Variants in CBLB observed in about 807,000 individuals in gnomAD.
The protein encoded by CBLB is Cbl proto-oncogene B, also known as E3 ubiquitin-protein ligase CBL-B.
Under a neutral mutation model 104.9 loss-of-function variants are expected in CBLB, and 31 were observed. That is an observed-to-expected ratio of 0.30 (90% CI 0.22 to 0.40). The LOEUF (loss-of-function observed/expected upper bound fraction) is 0.40. Ranked by LOEUF, CBLB falls within the 10% of genes least tolerant of loss-of-function variation. The pLI, the probability that CBLB is intolerant of heterozygous loss-of-function variation, is 1.00. For missense variants in CBLB, 1,062 were observed against 1,214.6 expected, an observed-to-expected ratio of 0.87 and a Z score of 1.87; for synonymous variants, 440 against 422.6, an observed-to-expected ratio of 1.04 and a Z score of -0.51.
chr3:105,672,519 C>T (rs967942192), intron 17 of CBLB: 3 of 161,998 alleles, frequency 1.9e-5, no homozygotes, highest in Non-Finnish European at 4.1e-5. Flanking sequence ...ATAATAATTA[C>T]CAATTGTCCC....
chr3:105,820,964 T>C (rs2153057091), intron 3 of CBLB, among the ~76,000 whole-genome samples: 1 of 152,276 alleles, frequency 6.6e-6, no homozygotes. Context: ...AAAATCTGGT[T>C]TAAAAAATAT....
At chr3:105,837,760 T>C (rs2088791503) in intron 3 of CBLB, among the ~76,000 whole-genome samples, 1 of 152,194 alleles carries the variant, frequency 6.6e-6, no homozygotes, top group Admixed American at 6.5e-5. Context: ...TTACTATCCT[T>C]ATAAGCATTT....
intron 3 of CBLB, among the ~76,000 whole-genome samples, chr3:105,810,902 G>T (rs756874789): frequency 6.6e-6 from 1 of 152,046 alleles, no homozygotes. Flanking sequence ...ATAAGTTTAA[G>T]ATACTACTTA....
At chr3:105,861,692 CACACACACACACACATACAT>C (rs894441747) in intron 2 of CBLB, among the ~76,000 whole-genome samples, 2 of 150,866 alleles carry the variant, frequency 1.3e-5, no homozygotes, top group East Asian at 1.9e-4. Flanking sequence ...CATACACACA[CACACACACACACACATACAT>C]ACACACACAC....
intron 12 of CBLB, among the ~76,000 whole-genome samples, chr3:105,698,639 A>G (rs58631873): frequency 0.19 from 27,428 of 145,408 alleles, 3,038 homozygotes; most frequent in East Asian, 0.51. Context: ...GCATTTGCTT[A>G]TATTAGGGGC....
chr3:105,659,305 T>A, intron 18 of CBLB, 76 bp from the exon 19 acceptor site: 2 of 1,337,574 alleles, frequency 1.5e-6, no homozygotes, highest in Non-Finnish European at 2.1e-6. Context: ...AACAGCATTA[T>A]CTCATTTCCT....
At chr3:105,822,261 G>C (rs59534462) in intron 3 of CBLB, among the ~76,000 whole-genome samples, 17,805 of 152,096 alleles carry the variant, frequency 0.12, 1,267 homozygotes, top group East Asian at 0.41. Flanking sequence ...GCATAGAAAA[G>C]CTGCTCAAGG....
At position 105,685,289 on chromosome 3, in the gene CBLB, G is replaced by A. The variant is rs1419490827; in HGVS notation, c.2201+31C>T. 4 of 1,585,420 alleles carry A rather than the reference G, an allele frequency of 2.5e-6. No individual in the cohort carries two copies. In the Admixed American group the frequency reaches 5.0e-5, roughly 20 times the overall value. ...TACAAATGATAATGCTTATGCAGAT[G>A]TAAGTGGCAAAAATCTGCCCATACT... is the stretch of plus-strand genomic sequence containing the variant. On this transcript the variant is annotated intron_variant, in intron 14 of 18. Transcript: ENST00000394030.
At chr3:105,741,046 T>C (rs1362763748) in intron 6 of CBLB, among the ~76,000 whole-genome samples, 3 of 151,248 alleles carry the variant, frequency 2.0e-5, no homozygotes, top group African/African-American at 4.9e-5. Flanking sequence ...AGCCAGTTTC[T>C]ACTGTAGAAC....
chr3:105,676,557 A>C (rs1279421596), intron 17 of CBLB, among the ~76,000 whole-genome samples: 1 of 152,230 alleles, frequency 6.6e-6, no homozygotes, highest in Non-Finnish European at 1.5e-5. Flanking sequence ...TAGCATCAGG[A>C]AATTTAAGTA....
chr3:105,758,512 G>A (rs1331699916), intron 4 of CBLB, among the ~76,000 whole-genome samples: 1 of 151,318 alleles, frequency 6.6e-6, no homozygotes, highest in Non-Finnish European at 1.5e-5. Flanking sequence ...CCCGAGTTTT[G>A]CTCAGGCCTG....
At chr3:105,839,413 GACT>G (rs2089194828) in intron 3 of CBLB, 2 of 152,182 alleles carry the variant, frequency 1.3e-5, no homozygotes, top group South Asian at 4.1e-4. Context: ...ATCAGTCATT[GACT>G]ACCTACCATT....
intron 17 of CBLB, chr3:105,671,298 T>C (rs1559757430): frequency 1.4e-5 from 3 of 210,410 alleles, no homozygotes; most frequent in African/African-American, 2.3e-5. Context: ...TTTCCTCTCA[T>C]AGTACTTTTA....
chr3:105,683,456 T>C (rs2066575749), intron 14 of CBLB, among the ~76,000 whole-genome samples: 2 of 152,354 alleles, frequency 1.3e-5, no homozygotes, highest in South Asian at 4.1e-4. Flanking sequence ...AATTCAAATT[T>C]ATTTTCAAGA....
chr3:105,830,969 C>T (rs193283197), intron 3 of CBLB, among the ~76,000 whole-genome samples: 75 of 152,302 alleles, frequency 4.9e-4, no homozygotes, highest in Non-Finnish European at 6.3e-4. Context: ...TAGAACTTAG[C>T]TGAGGAGACA....
At chr3:105,855,431 T>C (rs1339120082) in intron 2 of CBLB, among the ~76,000 whole-genome samples, 1 of 152,208 alleles carries the variant, frequency 6.6e-6, no homozygotes, top group Non-Finnish European at 1.5e-5. Context: ...AAGGTAATTA[T>C]GGAAGGTGAA....
intron 10 of CBLB, among the ~76,000 whole-genome samples, chr3:105,715,622 C>T (rs551284512): frequency 2.0e-5 from 3 of 152,124 alleles, no homozygotes; most frequent in Non-Finnish European, 4.4e-5. Flanking sequence ...CATTGGCCCG[C>T]TCATAAAAGA....
At chr3:105,690,525 G>GT (rs1463315844) in intron 13 of CBLB, among the ~76,000 whole-genome samples, 3 of 152,056 alleles carry the variant, frequency 2.0e-5, no homozygotes, top group Non-Finnish European at 4.4e-5. Context: ...AAGTTTTCCT[G>GT]TTAAAAATAA....
intron 3 of CBLB, among the ~76,000 whole-genome samples, chr3:105,845,007 G>A (rs1322006448): frequency 1.3e-5 from 2 of 152,002 alleles, no homozygotes; most frequent in African/African-American, 2.4e-5. Flanking sequence ...CTAAAAGCAG[G>A]CATTCTTTCT....
Sources: gnomAD v4.1 joint callset for allele counts (sites outside exome capture counted in the v4.1 genomes callset) on GRCh38, gnomAD v4.1.1 for gene constraint, MANE v1.5 for transcripts, NCBI Gene and HGNC (gene_info 2026-07-23, HGNC 2026-07-21) for gene names.